ANKRD44: variants seen among roughly 807,000 people sequenced by gnomAD.
ANKRD44 encodes ankyrin repeat domain 44.
ANKRD44 carries 35 observed loss-of-function variants against 116.0 expected under a neutral mutation model. The ratio of observed to expected loss-of-function variants is 0.30; its 90% CI spans 0.23 to 0.40. The LOEUF is 0.40. Ranked by LOEUF, ANKRD44 falls within the 10% of genes least tolerant of loss-of-function variation. The probability of loss-of-function intolerance (pLI) is 1.00; values close to 1 mark genes in which losing one functional copy is unlikely to be tolerated. For missense variants in ANKRD44, 1,014 were observed against 1,242.6 expected (o/e 0.82, Z 2.77); for synonymous variants, 435 against 461.8 (o/e 0.94, Z 0.74).
chr2:197,036,728 A>C (rs147845913), intron 16 of ANKRD44, among the ~76,000 whole-genome samples: 1 of 152,356 alleles, frequency 6.6e-6, no homozygotes, highest in East Asian at 1.9e-4. Flanking sequence ...ATGTGTAAGG[A>C]AAGGCTAATG....
chr2:196,990,340 TGAAAA>T (rs2075894816), intron 27 of ANKRD44: 2 of 1,002,062 alleles, frequency 2.0e-6, no homozygotes, highest in African/African-American at 3.5e-5. Context: ...GCTAAATACA[TGAAAA>T]GAAAAATTAT....
chr2:197,309,989 A>C (rs2084195849), intron 1 of ANKRD44, among the ~76,000 whole-genome samples: 1 of 152,140 alleles, frequency 6.6e-6, no homozygotes, highest in South Asian at 2.1e-4. Flanking sequence ...TCCTCCTCAG[A>C]GGGACCGGCC....
intron 1 of ANKRD44, among the ~76,000 whole-genome samples, chr2:197,292,404 T>C (rs528157019): frequency 1.7e-4 from 26 of 152,322 alleles, no homozygotes; most frequent in African/African-American, 6.0e-4. Context: ...GTGGTTTTGA[T>C]TTGCATTTAT....
intron 4 of ANKRD44, chr2:197,135,305 T>A (rs1236033369): frequency 2.0e-5 from 3 of 152,192 alleles, no homozygotes; most frequent in Admixed American, 6.5e-5. Context: ...GAGGAGAAGC[T>A]GCATTTGGTA....
chr2:197,244,808 G>A (rs553196067), intron 1 of ANKRD44, among the ~76,000 whole-genome samples: 2 of 152,292 alleles, frequency 1.3e-5, no homozygotes, highest in African/African-American at 2.4e-5. Context: ...CTAGCAAAAT[G>A]ACCTATCATA....
chr2:197,058,588 C>T (rs956902998), intron 16 of ANKRD44, among the ~76,000 whole-genome samples: 1 of 152,120 alleles, frequency 6.6e-6, no homozygotes, highest in East Asian at 1.9e-4. Context: ...TTCACTGAAA[C>T]AATGTGAATG....
intron 1 of ANKRD44, among the ~76,000 whole-genome samples, chr2:197,252,969 C>CGTA: frequency 6.6e-6 from 1 of 152,006 alleles, no homozygotes; most frequent in East Asian, 1.9e-4. Context: ...GTAAGCTGAC[C>CGTA]GTAGGCACAG....
At chr2:196,968,643 C>T (rs1348766945) in intron 21 of ANKRD44, among the ~76,000 whole-genome samples, 1 of 152,174 alleles carries the variant, frequency 6.6e-6, no homozygotes, top group African/African-American at 2.4e-5. Flanking sequence ...CTCTTCTCAG[C>T]TCTCTGAACA....
chr2:197,019,417 T>C (rs12470435), intron 17 of ANKRD44, among the ~76,000 whole-genome samples: 118,721 of 152,216 alleles, frequency 0.78, 48,938 homozygotes, highest in East Asian at 0.97. Flanking sequence ...ACTTGCTGTA[T>C]GTCAGGCAGT....
intron 2 of ANKRD44, among the ~76,000 whole-genome samples, chr2:197,154,827 T>C (rs1477981829): frequency 1.3e-5 from 2 of 152,168 alleles, no homozygotes; most frequent in Non-Finnish European, 2.9e-5. Context: ...CAAATCTCTG[T>C]CCCAACATGC....
intron 2 of ANKRD44, among the ~76,000 whole-genome samples, chr2:197,170,320 C>T (rs1213861965): frequency 6.6e-6 from 1 of 151,958 alleles, no homozygotes; most frequent in Non-Finnish European, 1.5e-5. Context: ...ATGACAGTTA[C>T]CTTGTAAATC....
rs573698993 is a variant in ANKRD44 at position 197,276,311 on chromosome 2, A to T, written c.27+34267T>A. Among the ~76,000 whole-genome samples the T allele has an allele frequency of 1.1e-4, 16 of 151,578 alleles. No homozygotes were observed. In the South Asian group the frequency reaches 3.1e-3, roughly 30 times the overall value. ...AAAAAAAAAGGAAAATTAAAAAAAG[A>T]ACTTTGCTAAGAGTTTTTTACACCA... On this transcript the variant is annotated intron_variant, in intron 1 of 27. Coordinates refer to ENST00000282272, the MANE Select transcript of ANKRD44 (RefSeq NM_001195144.2).
At chr2:197,251,021 A>G (rs2105658901) in intron 1 of ANKRD44, 1 of 152,286 alleles carries the variant, frequency 6.6e-6, no homozygotes, top group South Asian at 2.1e-4. Context: ...TCTTGTTAAC[A>G]AGCTTTATAC....
At chr2:197,029,145 AC>A (rs2076656735) in intron 16 of ANKRD44, 1 of 182,520 alleles carries the variant, frequency 5.5e-6, no homozygotes, top group Admixed American at 6.4e-5. Context: ...CCACCCCACA[AC>A]AGGCCCTGGT....
chr2:197,147,980 C>A (rs2079548160), intron 2 of ANKRD44: 1 of 395,522 alleles, frequency 2.5e-6, no homozygotes, highest in Non-Finnish European at 5.1e-6. Context: ...CTTCACCCAG[C>A]AGACTTCAGT....
At chr2:197,011,402 GT>G (rs1284371642) in intron 18 of ANKRD44, among the ~76,000 whole-genome samples, 4 of 151,934 alleles carry the variant, frequency 2.6e-5, no homozygotes, top group Non-Finnish European at 4.4e-5. Context: ...AGTTTCTACA[GT>G]TGTGCTTTTG....
At chr2:197,273,960 CA>C (rs1158937486) in intron 1 of ANKRD44, among the ~76,000 whole-genome samples, 165 of 9,332 alleles carry the variant, frequency 0.018, no homozygotes, top group African/African-American at 0.022. Context: ...CAACCAACCA[CA>C]AAAAAAAAAA....
At chr2:197,008,702 A>C (rs537387265) in intron 19 of ANKRD44, among the ~76,000 whole-genome samples, 2 of 152,334 alleles carry the variant, frequency 1.3e-5, no homozygotes, top group South Asian at 4.1e-4. Context: ...AGAGCCGGGA[A>C]ACATGGCCAC....
chr2:197,080,301 G>A (rs1416002192), intron 15 of ANKRD44, among the ~76,000 whole-genome samples: 3 of 152,248 alleles, frequency 2.0e-5, no homozygotes, highest in South Asian at 4.1e-4. Context: ...CATGCATTCC[G>A]TGTTTTCACT....
Sources: gnomAD v4.1 joint callset for allele counts (sites outside exome capture counted in the v4.1 genomes callset) on GRCh38, gnomAD v4.1.1 for gene constraint, MANE v1.5 for transcripts, NCBI Gene and HGNC (gene_info 2026-07-23, HGNC 2026-07-21) for gene names.